The following ZNF592 variants were observed in gnomAD, a reference collection of about 807,000 sequenced individuals.
The protein encoded by ZNF592 is spinocerebellar ataxia, autosomal recessive 5.
Under a neutral mutation model 80.3 loss-of-function variants are expected in ZNF592, and 11 were observed. The observed-to-expected ratio is 0.14, with a 90% CI of 0.09 to 0.23. The LOEUF is 0.23. Among genes scored for constraint, ZNF592 ranks in the 10% least tolerant of loss-of-function variants. The pLI is 1.00. For synonymous variants in ZNF592, 646 were observed against 640.3 expected (o/e 1.01, Z -0.13); for missense variants, 1,420 against 1,633.9 (o/e 0.87, Z 2.26).
chr15:84,759,099 A>T (rs1386570798), intron 1 of ZNF592, among the ~76,000 whole-genome samples: 1 of 152,152 alleles, frequency 6.6e-6, no homozygotes, highest in African/African-American at 2.4e-5. Context: ...TAAACATTCT[A>T]ATTAAGAACA....
Position 84,784,375 on chromosome 15 carries a change from T to G in ZNF592, c.1700T>G (p.Leu567Arg). Residue 567 changes from leucine (L) to arginine (R), a missense_variant, in exon 4 of 11, where the codon CTC (leucine) becomes CGC (arginine). Leu to Arg is a moderately radical substitution (Grantham distance 102). Around this residue, in one of 7 missense-constraint regions of ZNF592, gnomAD observed 524 missense variants for 628.3 expected, o/e 0.83. Transcript: ENST00000560079. This position sits in a 1 kb window ranked among gnomAD's most constrained non-coding sequence, Gnocchi z 5.8. ...CTTCACAGCTCCAACCCCGTGCCCC[T>G]CTATGCGCCAAATCTCAGCCCGCCT... ...KVLHSSNPVP[L>R]YAPNLSPPAD... The G allele has an allele frequency of 6.2e-7, 1 of 1,614,146 alleles. No individual in the cohort carries two copies. The highest frequency in any genetic ancestry group is 8.5e-7 in the Non-Finnish European group (1 of 1,180,028).
At position 84,764,781 on chromosome 15, in the gene ZNF592, G is replaced by A. The variant is rs908272508; in HGVS notation, c.-184G>A. ...TCCGCAGCTCTGCTCCCCTAGCAACGCTCGCCACACCCTTGTTTTGAGATC... is the reference window on the plus strand; with the variant it reads ...TCCGCAGCTCTGCTCCCCTAGCAACACTCGCCACACCCTTGTTTTGAGATC... On this transcript the variant is annotated 5_prime_UTR_variant, in exon 2 of 11. Coordinates refer to ENST00000560079, the MANE Select transcript of ZNF592 (RefSeq NM_014630.3). The A allele has an allele frequency of 7.5e-6, 3 of 398,762 alleles. No individual in the cohort carries two copies. Among genetic ancestry groups the A allele is most frequent in the Admixed American group, 4.4e-5 (1 of 22,680 alleles). The allele number at this position is 398,762 out of a possible 1,614,324, so 24.7% of individuals were successfully genotyped here. A position where few individuals can be genotyped will look rare whatever the true frequency, so the allele number is the denominator to read the frequency against.
At chr15:84,792,129 C>T (rs1449353214) in intron 5 of ZNF592, among the ~76,000 whole-genome samples, 1 of 151,806 alleles carries the variant, frequency 6.6e-6, no homozygotes, top group African/African-American at 2.4e-5. Context: ...AGATGAGATG[C>T]TGAGGGCTTC....
At chr15:84,797,806 C>A (rs2141522274) in intron 5 of ZNF592, 63 bp from the exon 6 acceptor site, 1 of 1,587,660 alleles carries the variant, frequency 6.3e-7, no homozygotes, top group Non-Finnish European at 8.6e-7. Context: ...TCTTGCAGCA[C>A]CACCTCTGGG....
Position 84,784,942 on chromosome 15 carries a change from A to C in ZNF592, c.2220+47A>C. 2.5e-6 allele frequency: 4 copies of C among 1,608,080 alleles called. No individual in the cohort carries two copies. The South Asian group carries it at 3.3e-5, about 13-fold the overall frequency. ...CGGGTATCGGGCCCCTGGCTCACAC[A>C]GGTTCCATGACTGGGCATGGAGAGG... On this transcript the variant is annotated intron_variant, in intron 4 of 10. Coordinates refer to ENST00000560079, the MANE Select transcript of ZNF592 (RefSeq NM_014630.3). The surrounding 1 kb of genome is among the most constrained non-coding windows in gnomAD (Gnocchi z 5.8).
At chr15:84,749,038 C>T (rs531937160) in intron 1 of ZNF592, among the ~76,000 whole-genome samples, 2 of 152,292 alleles carry the variant, frequency 1.3e-5, no homozygotes, top group South Asian at 2.1e-4. Flanking sequence ...GCCACTTTCT[C>T]CCTCTGGGAC....
intron 4 of ZNF592, among the ~76,000 whole-genome samples, chr15:84,786,745 T>C (rs1962594616): frequency 6.6e-6 from 1 of 151,980 alleles, no homozygotes; most frequent in Non-Finnish European, 1.5e-5. Context: ...TTGGGCCAGG[T>C]TTACTTTATC....
chr15:84,774,840 G>A (rs1039685920), intron 2 of ZNF592, among the ~76,000 whole-genome samples: 59 of 152,184 alleles, frequency 3.9e-4, no homozygotes, highest in Middle Eastern at 6.8e-3. Context: ...GAGTACAATG[G>A]CGTGATCTCG....
Position 84,798,136 on chromosome 15 carries a change from C to G in ZNF592, c.2576+91C>G. 1 of 1,578,260 alleles carries G rather than the reference C, an allele frequency of 6.3e-7. No homozygotes were observed. The highest frequency in any genetic ancestry group is 8.6e-7 in the Non-Finnish European group (1 of 1,161,142). ...GGTGGCATAGGGATGGGTGAGGGAG[C>G]TGGGGTTAGTGGCAGAGGTGCCTGG... On this transcript the variant is annotated intron_variant, in intron 6 of 10. Transcript: ENST00000560079. This position sits in a 1 kb window ranked among gnomAD's most constrained non-coding sequence, Gnocchi z 4.5.
chr15:84,784,234 CAGCCAAGTCTTCAGTGCAAAGACGG>C lies in ZNF592; in HGVS notation c.1565_1589del (p.Lys522SerfsTer15). ...CCCCACAGTGTTGCTGCATCAGTGA[CAGCCAAGTCTTCAGTGCAAAGACGG>C]AGCCAGCCACAGCTTACACAAATGT... On this transcript the variant is annotated frameshift_variant, in exon 4 of 11. Transcript: ENST00000560079. LOFTEE classifies it high-confidence loss of function. The surrounding 1 kb of genome is among the most constrained non-coding windows in gnomAD (Gnocchi z 5.8). 1 of 1,614,240 alleles carries C rather than the reference CAGCCAAGTCTTCAGTGCAAAGACGG, an allele frequency of 6.2e-7. No individual in the cohort carries two copies. Among genetic ancestry groups the C allele is most frequent in the Non-Finnish European group, 8.5e-7 (1 of 1,180,048 alleles).
At chr15:84,752,725 T>C (rs1899048433) in intron 1 of ZNF592, among the ~76,000 whole-genome samples, 1 of 152,144 alleles carries the variant, frequency 6.6e-6, no homozygotes, top group Non-Finnish European at 1.5e-5. Context: ...GAGATAGATG[T>C]TATCGTGGGG....
chr15:84,771,844 C>T (rs989295845), intron 2 of ZNF592, among the ~76,000 whole-genome samples: 1 of 152,046 alleles, frequency 6.6e-6, no homozygotes, highest in Non-Finnish European at 1.5e-5. Context: ...ATAAGCAGGC[C>T]TCAGATGTGT....
Position 84,799,714 on chromosome 15 carries a change from TG to T in ZNF592, c.3138-124del. On this transcript the variant is annotated intron_variant, in intron 9 of 10. Coordinates refer to ENST00000560079, the MANE Select transcript of ZNF592 (RefSeq NM_014630.3). The surrounding 1 kb of genome is among the most constrained non-coding windows in gnomAD (Gnocchi z 4.2). ...GGCTGGCCTGCTGGCTGGATCTCTC[TG>T]GGGTTCCCAGCACTAGCCAGCCCAG... The T allele has an allele frequency of 7.0e-7, 1 of 1,432,544 alleles. No homozygotes were observed. The highest frequency in any genetic ancestry group is 9.7e-7 in the Non-Finnish European group (1 of 1,031,504). 88.7% of individuals were successfully genotyped at this position (1,432,544 alleles called of 1,614,324 possible).
At chr15:84,781,343 G>A (rs897357752) in intron 3 of ZNF592, among the ~76,000 whole-genome samples, 3 of 151,856 alleles carry the variant, frequency 2.0e-5, no homozygotes, top group Non-Finnish European at 4.4e-5. Flanking sequence ...CCACTGCGAC[G>A]GGCCCTTAAT....
chr15:84,782,534 C>T (rs1962447789), intron 3 of ZNF592, 123 bp from the exon 4 acceptor site: 2 of 933,884 alleles, frequency 2.1e-6, no homozygotes, highest in East Asian at 4.8e-5. Context: ...GGCTTCCTGT[C>T]ATAGTATGTG....
At chr15:84,767,464 A>G (rs1254725459) in intron 2 of ZNF592, among the ~76,000 whole-genome samples, 1 of 152,212 alleles carries the variant, frequency 6.6e-6, no homozygotes, top group Non-Finnish European at 1.5e-5. Context: ...TGGGAGGAAC[A>G]CACCAGGATG....
rs1963203812 is a variant in ZNF592, at chr15:84,805,058, C to G, written c.*2665C>G. ...TGTCAGTGGTTTGCAGCCCCCCAGA[C>G]ATTTGCTTTCCTACTTCCCATGCAG... On this transcript the variant is annotated 3_prime_UTR_variant, in exon 11 of 11. Coordinates refer to ENST00000560079, the MANE Select transcript of ZNF592 (RefSeq NM_014630.3). The G allele has an allele frequency of 6.6e-6, 1 of 152,238 alleles. No individual in the cohort carries two copies. Among genetic ancestry groups the G allele is most frequent in the Non-Finnish European group, 1.5e-5 (1 of 68,060 alleles). 9.4% of individuals were successfully genotyped at this position (152,238 alleles called of 1,614,324 possible).
At chr15:84,753,523 A>C (rs1417096295) in intron 1 of ZNF592, 1 of 151,920 alleles carries the variant, frequency 6.6e-6, no homozygotes. Flanking sequence ...CCCAGGCTGG[A>C]GTTCAATGGT....
chr15:84,756,576 G>A (rs979780683), intron 1 of ZNF592, among the ~76,000 whole-genome samples: 3 of 152,124 alleles, frequency 2.0e-5, no homozygotes, highest in Non-Finnish European at 4.4e-5. Flanking sequence ...GATTTTTCTG[G>A]GCTTGGCCCA....
Sources: allele counts gnomAD v4.1 joint callset (sites outside exome capture counted in the v4.1 genomes callset), GRCh38; gene constraint gnomAD v4.1.1; regional missense constraint gnomAD v4.1.1; non-coding constraint Gnocchi (gnomAD v3.1); transcripts MANE v1.5; gene names NCBI Gene and HGNC (gene_info 2026-07-23, HGNC 2026-07-21).